APBB2: variants seen among roughly 807,000 people sequenced by gnomAD.
APBB2 encodes amyloid beta precursor protein binding family B member 2, also known as Fe65-like 1.
Under a neutral mutation model 82.5 loss-of-function variants are expected in APBB2, and 38 were observed. The observed-to-expected ratio is 0.46, with a 90% CI of 0.36 to 0.60. The LOEUF is 0.60. APBB2 is among the 20% of genes least tolerant of loss of function. The pLI is 0.00. For missense variants in APBB2, 772 were observed against 972.3 expected, an observed-to-expected ratio of 0.79 and a Z score of 2.74; for synonymous variants, 341 against 368.2, an observed-to-expected ratio of 0.93 and a Z score of 0.85.
chr4:40,952,873 G>A (rs560738362), intron 6 of APBB2, among the ~76,000 whole-genome samples: 2 of 152,306 alleles, frequency 1.3e-5, no homozygotes, highest in African/African-American at 2.4e-5. Flanking sequence ...TGTGTCCTTC[G>A]TTGCAGGAGC....
intron 5 of APBB2, among the ~76,000 whole-genome samples, chr4:41,029,502 G>T (rs1443021652): frequency 6.6e-6 from 1 of 152,100 alleles, no homozygotes; most frequent in Admixed American, 6.5e-5. Context: ...CCCACTTGAG[G>T]GTTTCTTGTG....
intron 12 of APBB2, among the ~76,000 whole-genome samples, chr4:40,859,327 T>C (rs561032618): frequency 2.5e-4 from 38 of 151,268 alleles, no homozygotes; most frequent in Admixed American, 5.3e-4. Flanking sequence ...ACTAGTGCAG[T>C]GGCCGCTATC....
At chr4:41,152,307 T>A (rs1184507943) in intron 1 of APBB2, among the ~76,000 whole-genome samples, 1 of 151,908 alleles carries the variant, frequency 6.6e-6, no homozygotes, top group Non-Finnish European at 1.5e-5. Context: ...CTATTGTTTT[T>A]CACTTGTTTC....
Position 41,086,948 on chromosome 4 carries a change from AC to A in APBB2, c.-149+13690del, listed in dbSNP as rs1297715552. Reference sequence around the variant, plus strand: ...CACACACACACACACACACACACACACAAAAAACCTGTCAGAATAAGATAAA... The same window carrying A: ...CACACACACACACACACACACACACAAAAAAACCTGTCAGAATAAGATAAA... On this transcript the variant is annotated intron_variant, in intron 3 of 17. Coordinates refer to ENST00000508593, the MANE Select transcript of APBB2 (RefSeq NM_004307.2). 1.1e-3 allele frequency among the ~76,000 whole-genome samples: 82 copies of A among 74,236 alleles called. 1 individual carries two copies. Among genetic ancestry groups the A allele is most frequent in the African/African-American group, 2.8e-3 (56 of 20,300 alleles). The allele number at this position is 74,236 out of a possible 152,430, so 48.7% of individuals were successfully genotyped here. A position where few individuals can be genotyped will look rare whatever the true frequency, so the allele number is the denominator to read the frequency against.
At chr4:40,975,733 G>T (rs192852684) in intron 6 of APBB2, among the ~76,000 whole-genome samples, 72 of 134,074 alleles carry the variant, frequency 5.4e-4, no homozygotes, top group Non-Finnish European at 6.3e-4. Context: ...GGTAAATAAA[G>T]AATTTAAATG....
intron 5 of APBB2, among the ~76,000 whole-genome samples, chr4:41,026,679 G>C (rs1020267650): frequency 6.6e-6 from 1 of 152,062 alleles, no homozygotes; most frequent in Admixed American, 6.6e-5. Flanking sequence ...CCTCTTTATG[G>C]CTGGATAATA....
At chr4:41,110,040 T>C (rs977710134) in intron 2 of APBB2, among the ~76,000 whole-genome samples, 7 of 152,188 alleles carry the variant, frequency 4.6e-5, no homozygotes, top group African/African-American at 1.4e-4. Flanking sequence ...AACCTGGTAA[T>C]ACTCATAACT....
intron 2 of APBB2, among the ~76,000 whole-genome samples, chr4:41,132,536 T>C (rs1756352048): frequency 6.6e-6 from 1 of 152,230 alleles, no homozygotes; most frequent in African/African-American, 2.4e-5. Flanking sequence ...CCTCCAGCCC[T>C]GCAGTCTGAA....
intron 3 of APBB2, among the ~76,000 whole-genome samples, chr4:41,081,929 C>T (rs1041701503): frequency 2.6e-5 from 4 of 152,156 alleles, no homozygotes; most frequent in Admixed American, 2.6e-4. Context: ...AAATGAACTA[C>T]CGATACTTTG....
chr4:40,833,058 C>A (rs1043265455), intron 12 of APBB2, among the ~76,000 whole-genome samples: 1 of 152,216 alleles, frequency 6.6e-6, no homozygotes, highest in African/African-American at 2.4e-5. Flanking sequence ...ATCAAGGCAA[C>A]ACATAAGAAA....
intron 4 of APBB2, among the ~76,000 whole-genome samples, chr4:41,051,262 A>G (rs991533097): frequency 6.6e-6 from 1 of 152,166 alleles, no homozygotes; most frequent in Non-Finnish European, 1.5e-5. Flanking sequence ...CTGCCTCAAA[A>G]CACTGGAGAC....
At chr4:40,917,879 A>G (rs1162264444) in intron 10 of APBB2, among the ~76,000 whole-genome samples, 1 of 152,240 alleles carries the variant, frequency 6.6e-6, no homozygotes, top group Non-Finnish European at 1.5e-5. Flanking sequence ...GCAAAGGTTT[A>G]AAAACAGAGT....
At chr4:40,963,596 A>G (rs1434615585) in intron 6 of APBB2, among the ~76,000 whole-genome samples, 1 of 152,254 alleles carries the variant, frequency 6.6e-6, no homozygotes, top group Non-Finnish European at 1.5e-5. Flanking sequence ...AAGGCCTTTG[A>G]GAGAAGACTC....
chr4:40,899,104 C>T (rs995473462), intron 10 of APBB2, among the ~76,000 whole-genome samples: 1 of 152,162 alleles, frequency 6.6e-6, no homozygotes, highest in African/African-American at 2.4e-5. Context: ...TGCCTCTTAC[C>T]ATTTTTGACC....
intron 10 of APBB2, among the ~76,000 whole-genome samples, chr4:40,895,977 T>C (rs1578255851): frequency 1.3e-5 from 2 of 152,328 alleles, no homozygotes; most frequent in Non-Finnish European, 1.5e-5. Context: ...CACTTTGCTA[T>C]ATGCCTCTGA....
At chr4:40,921,970 G>A (rs951631299) in intron 10 of APBB2, among the ~76,000 whole-genome samples, 5 of 152,172 alleles carry the variant, frequency 3.3e-5, no homozygotes, top group Non-Finnish European at 5.9e-5. Flanking sequence ...ATCATGGATC[G>A]AAAGGGACAC....
chr4:40,897,229 C>CA (rs151164337), intron 10 of APBB2, among the ~76,000 whole-genome samples: 35,695 of 152,150 alleles, frequency 0.23, 4,386 homozygotes, highest in Admixed American at 0.29. Context: ...GCCGGGTGGG[C>CA]AAACAGGCTC....
chr4:40,861,811 GTTT>G (rs1762827188), intron 12 of APBB2, among the ~76,000 whole-genome samples: 1 of 151,346 alleles, frequency 6.6e-6, no homozygotes, highest in Non-Finnish European at 1.5e-5. Flanking sequence ...GTGTTCTATT[GTTT>G]TCTTTTTTCT....
At chr4:40,897,475 G>A (rs939071908) in intron 10 of APBB2, among the ~76,000 whole-genome samples, 2 of 151,438 alleles carry the variant, frequency 1.3e-5, no homozygotes, top group African/African-American at 4.9e-5. Flanking sequence ...CCGAGATCGC[G>A]CCACTGCACT....
Sources: allele counts gnomAD v4.1 joint callset (sites outside exome capture counted in the v4.1 genomes callset), GRCh38; gene constraint gnomAD v4.1.1; transcripts MANE v1.5; gene names NCBI Gene and HGNC (gene_info 2026-07-23, HGNC 2026-07-21).